Variants in SCNN1G observed in about 807,000 individuals in gnomAD.
SCNN1G encodes epithelial sodium channel subunit gamma.
A neutral mutation model predicts 64.6 loss-of-function variants in SCNN1G; 27 were observed. The ratio of observed to expected loss-of-function variants is 0.42; its 90% CI spans 0.31 to 0.58. The LOEUF is 0.58. Among genes scored for constraint, SCNN1G ranks in the 20% least tolerant of loss-of-function variants. The pLI, the probability that SCNN1G is intolerant of heterozygous loss-of-function variation, is 0.18. For synonymous variants in SCNN1G, 330 were observed against 314.2 expected, an observed-to-expected ratio of 1.05 and a Z score of -0.53; for missense variants, 743 against 823.4, an observed-to-expected ratio of 0.90 and a Z score of 1.19.
At chr16:23,186,916 A>G (rs1959618168) in intron 2 of SCNN1G, among the ~76,000 whole-genome samples, 1 of 151,908 alleles carries the variant, frequency 6.6e-6, no homozygotes, top group East Asian at 1.9e-4. Flanking sequence ...GGTTCTAACA[A>G]TCCTCCCGAG....
At chr16:23,214,839 C>A in intron 12 of SCNN1G, 52 bp downstream of exon 12, 1 of 1,455,078 alleles carries the variant, frequency 6.9e-7, no homozygotes, top group Non-Finnish European at 9.7e-7. Context: ...CAAATGTGAG[C>A]ATCTTCCTGG....
intron 6 of SCNN1G, among the ~76,000 whole-genome samples, chr16:23,204,415 A>G (rs1412765829): frequency 7.0e-6 from 1 of 143,284 alleles, no homozygotes; most frequent in East Asian, 2.0e-4. Flanking sequence ...GAAGAGAAGG[A>G]AAAATAACTT....
At chr16:23,204,324 TATATATATATAGAGAGAGAGAG>T (rs1360446686) in intron 6 of SCNN1G, among the ~76,000 whole-genome samples, 3 of 67,524 alleles carry the variant, frequency 4.4e-5, no homozygotes, top group South Asian at 1.2e-3. Context: ...TATATATATA[TATATATATATAGAGAGAGAGAG>T]AGAGAGAGAG....
At chr16:23,192,566 C>T (rs1480198512) in intron 4 of SCNN1G, 24 bp downstream of exon 4, 1 of 1,595,310 alleles carries the variant, frequency 6.3e-7, no homozygotes, top group Non-Finnish European at 8.6e-7. Context: ...GCTGCTCTCT[C>T]AGCCTCTAAG....
In SCNN1G at chr16:23,212,702, G is replaced by A. The variant is rs550929094; in HGVS notation, c.1319G>A (p.Arg440Gln). The change falls in exon 9 of 13, where the codon CGA becomes CAA. Residue 440 changes from arginine to glutamine, a missense_variant. By Grantham distance (43) the Arg-to-Gln change is conservative (BLOSUM62 1). Coordinates refer to ENST00000300061, the MANE Select transcript of SCNN1G (RefSeq NM_001039.4). Reference protein sequence around the residue: ...NWMYCYYQLHRAFVQEELGCQ... With the variant: ...NWMYCYYQLHQAFVQEELGCQ... ...GTGTATTGTTACTACCAACTGCATCGAGCCTTTGTCCAGGAAGAGCTGGGC... is the reference window on the plus strand; with the variant it reads ...GTGTATTGTTACTACCAACTGCATCAAGCCTTTGTCCAGGAAGAGCTGGGC... 1.1e-5 allele frequency: 18 copies of A among 1,614,088 alleles called. No homozygotes were observed. Among genetic ancestry groups the A allele is most frequent in the Middle Eastern group, 1.6e-4 (1 of 6,062 alleles).
In SCNN1G at chr16:23,215,388, G is replaced by GC; in HGVS notation, c.1875dup (p.Lys626GlnfsTer23). The GC allele has an allele frequency of 6.2e-7, 1 of 1,613,970 alleles. No individual in the cohort carries two copies. The highest frequency in any genetic ancestry group is 8.5e-7 in the Non-Finnish European group (1 of 1,179,998). On this transcript the variant is annotated frameshift_variant, in exon 13 of 13. Coordinates refer to ENST00000300061, the MANE Select transcript of SCNN1G (RefSeq NM_001039.4). LOFTEE classifies it high-confidence loss of function. ...TAGGAACCCAAGTGCCCGGCACACC[G>GC]CCCCCCAAATACAATACCTTGCGCT...
intron 4 of SCNN1G, among the ~76,000 whole-genome samples, chr16:23,192,768 A>C (rs2141931647): frequency 6.6e-6 from 1 of 152,214 alleles, no homozygotes; most frequent in African/African-American, 2.4e-5. Context: ...TAAACTACTC[A>C]TTAAAAACAA....
intron 6 of SCNN1G, among the ~76,000 whole-genome samples, chr16:23,205,636 G>GTCT (rs1959977074): frequency 6.6e-6 from 1 of 151,690 alleles, no homozygotes; most frequent in South Asian, 2.1e-4. Flanking sequence ...GGAGGTGGAG[G>GTCT]TTGCAGTGAG....
chr16:23,204,506 A>C (rs888493698), intron 6 of SCNN1G, among the ~76,000 whole-genome samples: 3 of 146,780 alleles, frequency 2.0e-5, no homozygotes, highest in African/African-American at 7.4e-5. Flanking sequence ...AATTTTATAT[A>C]TATATACATA....
intron 5 of SCNN1G, chr16:23,195,877 C>T (rs1246497408): frequency 6.6e-6 from 1 of 152,226 alleles, no homozygotes; most frequent in Non-Finnish European, 1.5e-5. Flanking sequence ...TCTCAAAATT[C>T]TCTTCTTTCC....
intron 5 of SCNN1G, among the ~76,000 whole-genome samples, chr16:23,196,811 A>G (rs13335714): frequency 0.21 from 31,426 of 152,046 alleles, 3,367 homozygotes; most frequent in Non-Finnish European, 0.23. Context: ...GGGCAAGAGC[A>G]GGAGTGGGAG....
chr16:23,212,828 C>T lies in SCNN1G; in HGVS notation c.1374-9C>T, dbSNP rs765564639. ...CTGCCTACACTCATGCTGTCCCCTC[C>T]TCCCTTAGCTTTAAAGAGTGGACAC... is the stretch of plus-strand genomic sequence containing the variant. On this transcript the variant is annotated splice_polypyrimidine_tract_variant and intron_variant, in intron 9 of 12. Coordinates refer to ENST00000300061, the MANE Select transcript of SCNN1G (RefSeq NM_001039.4). The T allele has an allele frequency of 3.7e-6, 6 of 1,614,138 alleles. No homozygotes were observed. The highest frequency in any genetic ancestry group is 2.2e-5 in the South Asian group (2 of 91,086).
At chr16:23,214,387 T>C (rs540788870) in intron 11 of SCNN1G, among the ~76,000 whole-genome samples, 3 of 152,384 alleles carry the variant, frequency 2.0e-5, no homozygotes, top group Admixed American at 1.3e-4. Context: ...ACATTACCTG[T>C]ACATACTTGA....
chr16:23,189,549 G>A lies in SCNN1G; in HGVS notation c.496G>A (p.Asp166Asn), dbSNP rs1273569215. ...HRIPLLIFDQ[D>N]EKGKARDFFT... The stretch of plus-strand genomic sequence containing the variant: ...GATTCCGCTGCTGATCTTTGATCAG[G>A]ATGAGAAGGGCAAGGCCAGGGACTT... Residue 166 changes from aspartate (D) to asparagine (N), a missense_variant, in exon 3 of 13, where the codon GAT becomes AAT. Coordinates refer to ENST00000300061, the MANE Select transcript of SCNN1G (RefSeq NM_001039.4). 2 of 1,614,126 alleles carry A rather than the reference G, an allele frequency of 1.2e-6. No homozygotes were observed. Among genetic ancestry groups the A allele is most frequent in the Admixed American group, 1.7e-5 (1 of 60,008 alleles).
chr16:23,185,580 A>C (rs1178363271), intron 1 of SCNN1G, among the ~76,000 whole-genome samples: 1 of 152,244 alleles, frequency 6.6e-6, no homozygotes, highest in Admixed American at 6.5e-5. Flanking sequence ...TTATTGTTAC[A>C]TCAGGTGATC....
intron 2 of SCNN1G, among the ~76,000 whole-genome samples, chr16:23,187,941 A>G (rs537383542): frequency 6.6e-6 from 1 of 152,260 alleles, no homozygotes; most frequent in Admixed American, 6.5e-5. Context: ...GTTGGTGCAA[A>G]GCTCAAAATC....
chr16:23,201,346 T>C (rs1959886198), intron 6 of SCNN1G, among the ~76,000 whole-genome samples: 1 of 152,170 alleles, frequency 6.6e-6, no homozygotes, highest in South Asian at 2.1e-4. Context: ...TGCTCTCTTG[T>C]TTTCTTGCTC....
chr16:23,188,016 C>T (rs993498944), intron 2 of SCNN1G, among the ~76,000 whole-genome samples: 3 of 152,146 alleles, frequency 2.0e-5, no homozygotes, highest in Non-Finnish European at 2.9e-5. Flanking sequence ...CTCCCTCCCT[C>T]CTTCTCTCTC....
intron 1 of SCNN1G, among the ~76,000 whole-genome samples, chr16:23,183,339 G>T (rs575645610): frequency 3.3e-5 from 5 of 152,318 alleles, no homozygotes; most frequent in East Asian, 1.9e-4. Flanking sequence ...CTGCGGGGTC[G>T]CTCGGCAGGA....
Sources: allele counts gnomAD v4.1 joint callset (sites outside exome capture counted in the v4.1 genomes callset), GRCh38; gene constraint gnomAD v4.1.1; transcripts MANE v1.5; gene names NCBI Gene and HGNC (gene_info 2026-07-23, HGNC 2026-07-21).